CTXND2: variants seen among roughly 807,000 people sequenced by gnomAD.
The protein encoded by CTXND2 is cortexin domain containing 2.
intron 1 of CTXND2, among the ~76,000 whole-genome samples, chr1:150,901,839 A>T (rs1352678244): frequency 6.6e-6 from 1 of 151,646 alleles, no homozygotes. Flanking sequence ...AATGGCGTGA[A>T]CCTGGGAGGT....
At chr1:150,910,639 T>TC (rs1287297610) in intron 1 of CTXND2, among the ~76,000 whole-genome samples, 1 of 150,646 alleles carries the variant, frequency 6.6e-6, no homozygotes, top group Non-Finnish European at 1.5e-5. Flanking sequence ...AATTTTTTTT[T>TC]TTTTTTTTTT....
intron 1 of CTXND2, among the ~76,000 whole-genome samples, chr1:150,888,892 T>G (rs1357842566): frequency 6.6e-6 from 1 of 151,614 alleles, no homozygotes; most frequent in Non-Finnish European, 1.5e-5. Context: ...TTTGTAGAGA[T>G]GGGGTCTTGC....
chr1:150,909,302 C>T (rs1463640894), intron 1 of CTXND2, among the ~76,000 whole-genome samples: 2 of 150,078 alleles, frequency 1.3e-5, no homozygotes, highest in Non-Finnish European at 3.0e-5. Context: ...AATCCTAACA[C>T]TTTGGGAGGC....
intron 1 of CTXND2, among the ~76,000 whole-genome samples, chr1:150,894,889 G>C (rs28566823): frequency 3.7e-4 from 56 of 152,106 alleles, no homozygotes; most frequent in Non-Finnish European, 7.5e-4. Context: ...TAAAAAATTA[G>C]CCGGATGTGG....
rs71090104 is a variant in CTXND2 at position 150,891,211 on chromosome 1, C to CTT, written c.-74+3908_-74+3909dup. Among the ~76,000 whole-genome samples the CTT allele has an allele frequency of 2.4e-4, 35 of 148,220 alleles. No individual in the cohort carries two copies. The South Asian group carries it at 2.8e-3, about 12-fold the overall frequency. ...TGCCTATCTGATATTTCTTTTCTTT[C>CTT]TTTTTTTTTTTCTTTTTTTGTGAGA... On this transcript the variant is annotated intron_variant, in intron 1 of 1. Transcript: ENST00000636087.
intron 1 of CTXND2, among the ~76,000 whole-genome samples, chr1:150,889,218 G>A (rs1043794349): frequency 6.6e-6 from 1 of 151,858 alleles, no homozygotes; most frequent in South Asian, 2.1e-4. Flanking sequence ...GACCATCCTG[G>A]CTAACAGGAT....
intron 1 of CTXND2, among the ~76,000 whole-genome samples, chr1:150,903,533 C>CTGTAA (rs1669080168): frequency 6.6e-6 from 1 of 152,110 alleles, no homozygotes; most frequent in Non-Finnish European, 1.5e-5. Flanking sequence ...GACATGGTGG[C>CTGTAA]TCACGCCTGT....
rs187489872 is a variant in CTXND2, at chr1:150,900,475, A to G, written c.-73-11767A>G. Among the ~76,000 whole-genome samples, 77 of 152,312 alleles carry G rather than the reference A, an allele frequency of 5.1e-4. 1 individual carries two copies. Among genetic ancestry groups the G allele is most frequent in the Admixed American group, 4.8e-3 (74 of 15,294 alleles). On this transcript the variant is annotated intron_variant, in intron 1 of 1. Coordinates refer to ENST00000636087, the Ensembl canonical transcript of CTXND2. The stretch of plus-strand genomic sequence containing the variant: ...TGCAGCTTCAGTCTTGAAGTCAGTG[A>G]GACCAAGAACTCACTGGAAGGAACC...
intron 1 of CTXND2, among the ~76,000 whole-genome samples, chr1:150,907,216 AAATGTACAATTG>A (rs1176122986): frequency 6.6e-6 from 1 of 152,236 alleles, no homozygotes; most frequent in African/African-American, 2.4e-5. Flanking sequence ...CAACCATTTC[AAATGTACAATTG>A]AATGGTTTTT....
At chr1:150,902,741 A>G (rs1181000779) in intron 1 of CTXND2, among the ~76,000 whole-genome samples, 1 of 152,126 alleles carries the variant, frequency 6.6e-6, no homozygotes, top group East Asian at 1.9e-4. Flanking sequence ...AGTAGGGGAA[A>G]AAACTCTTAA....
At chr1:150,898,982 C>T (rs913879999) in intron 1 of CTXND2, among the ~76,000 whole-genome samples, 1 of 149,952 alleles carries the variant, frequency 6.7e-6, no homozygotes, top group African/African-American at 2.4e-5. Flanking sequence ...CCTGTTGTCC[C>T]AGCTACTTGG....
intron 1 of CTXND2, among the ~76,000 whole-genome samples, chr1:150,901,143 T>C (rs1248782842): frequency 6.6e-6 from 1 of 151,710 alleles, no homozygotes. Context: ...ATGAAAACAA[T>C]CCCACTTAAG....
chr1:150,897,731 T>TA (rs1318677139), intron 1 of CTXND2, among the ~76,000 whole-genome samples: 1 of 152,212 alleles, frequency 6.6e-6, no homozygotes, highest in East Asian at 1.9e-4. Context: ...ACAAGATACA[T>TA]AAACAATGTG....
intron 1 of CTXND2, among the ~76,000 whole-genome samples, chr1:150,910,570 T>C (rs912646914): frequency 6.6e-6 from 1 of 152,140 alleles, no homozygotes; most frequent in Non-Finnish European, 1.5e-5. Flanking sequence ...CCGAATTTTC[T>C]TGGTACCCTA....
intron 1 of CTXND2, chr1:150,904,033 A>C: frequency 1.5e-6 from 1 of 654,798 alleles, no homozygotes; most frequent in Non-Finnish European, 2.9e-6. Flanking sequence ...AGGCTGTTGG[A>C]TTCTCTTACA....
chr1:150,906,709 A>T (rs975064111), intron 1 of CTXND2, among the ~76,000 whole-genome samples: 1 of 152,118 alleles, frequency 6.6e-6, no homozygotes, highest in Non-Finnish European at 1.5e-5. Flanking sequence ...GCCTAGGAAG[A>T]AAATGTGGCC....
At chr1:150,901,936 A>T (rs1018493745) in intron 1 of CTXND2, among the ~76,000 whole-genome samples, 6 of 151,742 alleles carry the variant, frequency 4.0e-5, no homozygotes, top group Admixed American at 2.6e-4. Flanking sequence ...AAAAAAAAAA[A>T]ATAAATTCAA....
At chr1:150,888,362 C>A (rs1447152559) in intron 1 of CTXND2, among the ~76,000 whole-genome samples, 2 of 151,506 alleles carry the variant, frequency 1.3e-5, no homozygotes, top group Non-Finnish European at 2.9e-5. Context: ...TACAGGCGTG[C>A]ACCACCATGC....
intron 1 of CTXND2, chr1:150,904,052 A>C: frequency 1.5e-6 from 1 of 658,294 alleles, no homozygotes; most frequent in South Asian, 1.4e-5. Flanking sequence ...CACAGATGCC[A>C]ATAAGAACAA....
Sources: gnomAD v4.1 joint callset for allele counts (sites outside exome capture counted in the v4.1 genomes callset) on GRCh38, gnomAD v4.1.1 for gene constraint, MANE v1.5 for transcripts, NCBI Gene and HGNC (gene_info 2026-07-23, HGNC 2026-07-21) for gene names.